SIPA1L1: variants seen among roughly 807,000 people sequenced by gnomAD.
The protein encoded by SIPA1L1 is signal induced proliferation associated 1 like 1.
SIPA1L1 carries 26 observed loss-of-function variants against 162.7 expected under a neutral mutation model. That is an observed-to-expected ratio of 0.16 (90% CI 0.12 to 0.22). The LOEUF is 0.22. SIPA1L1 is among the 10% of genes least tolerant of loss of function. The probability of loss-of-function intolerance (pLI) is 1.00; values close to 1 mark genes in which losing one functional copy is unlikely to be tolerated. For synonymous variants in SIPA1L1, 829 were observed against 837.4 expected, an observed-to-expected ratio of 0.99 and a Z score of 0.17; for missense variants, 1,874 against 2,241.0, an observed-to-expected ratio of 0.84 and a Z score of 3.31.
intron 3 of SIPA1L1, among the ~76,000 whole-genome samples, chr14:71,526,902 G>C (rs1431813325): frequency 6.6e-6 from 1 of 152,074 alleles, no homozygotes; most frequent in African/African-American, 2.4e-5. Flanking sequence ...TAGGTTGCAG[G>C]GTATGTTTAT....
At chr14:71,698,887 T>G in intron 13 of SIPA1L1, 94 bp from the exon 14 acceptor site, 1 of 1,347,434 alleles carries the variant, frequency 7.4e-7, no homozygotes, top group Non-Finnish European at 1.0e-6. Context: ...GAAGTCACTG[T>G]TTTTGTCACA....
intron 19 of SIPA1L1, 35 bp from the exon 20 acceptor site, chr14:71,730,020 A>G: frequency 6.3e-7 from 1 of 1,598,750 alleles, no homozygotes; most frequent in Non-Finnish European, 8.5e-7. Context: ...TGAACCAGAA[A>G]ATTGACTTTC....
chr14:71,399,872 C>T (rs913584157), intron 2 of SIPA1L1, among the ~76,000 whole-genome samples: 1 of 152,076 alleles, frequency 6.6e-6, no homozygotes, highest in Non-Finnish European at 1.5e-5. Flanking sequence ...AGGTGTATAC[C>T]ATGACACCTG....
At chr14:71,683,183 T>G (rs1175468334) in intron 12 of SIPA1L1, among the ~76,000 whole-genome samples, 1 of 152,064 alleles carries the variant, frequency 6.6e-6, no homozygotes, top group Non-Finnish European at 1.5e-5. Context: ...TTGTACAGTA[T>G]TAAAATAGAA....
intron 4 of SIPA1L1, among the ~76,000 whole-genome samples, chr14:71,576,263 T>A (rs187528757): frequency 6.6e-6 from 1 of 152,188 alleles, no homozygotes; most frequent in Non-Finnish European, 1.5e-5. Context: ...GGCTTAGGGA[T>A]CAGACTCTCG....
intron 4 of SIPA1L1, among the ~76,000 whole-genome samples, chr14:71,544,048 C>T (rs142226458): frequency 2.1e-4 from 31 of 151,008 alleles, no homozygotes; most frequent in African/African-American, 6.8e-4. Context: ...TACACACGCA[C>T]GCACATGTAT....
chr14:71,521,419 C>T (rs1343452168), intron 3 of SIPA1L1, among the ~76,000 whole-genome samples: 1 of 152,096 alleles, frequency 6.6e-6, no homozygotes, highest in East Asian at 1.9e-4. Flanking sequence ...TTCAGCTGCT[C>T]CATGTCCCTG....
At chr14:71,653,850 T>C (rs1469497891) in intron 8 of SIPA1L1, among the ~76,000 whole-genome samples, 1 of 152,154 alleles carries the variant, frequency 6.6e-6, no homozygotes. Flanking sequence ...CTTCTTTAGA[T>C]TAAGTAACAT....
At chr14:71,596,826 T>C (rs905690050) in intron 5 of SIPA1L1, among the ~76,000 whole-genome samples, 1 of 152,248 alleles carries the variant, frequency 6.6e-6, no homozygotes, top group East Asian at 1.9e-4. Context: ...TTTTTTTCTC[T>C]TTTGTAATTT....
intron 3 of SIPA1L1, among the ~76,000 whole-genome samples, chr14:71,521,072 T>G (rs2052304368): frequency 6.6e-6 from 1 of 152,192 alleles, no homozygotes. Flanking sequence ...CTTTCTGCTG[T>G]GGATGTGCAC....
At chr14:71,727,752 C>T (rs1206828905) in intron 19 of SIPA1L1, among the ~76,000 whole-genome samples, 2 of 152,256 alleles carry the variant, frequency 1.3e-5, no homozygotes, top group Admixed American at 6.5e-5. Context: ...ACCTGCAAGG[C>T]AGGCAGGGGC....
intron 2 of SIPA1L1, among the ~76,000 whole-genome samples, chr14:71,509,741 T>TAA (rs2050964910): frequency 8.3e-6 from 1 of 120,098 alleles, no homozygotes; most frequent in African/African-American, 3.2e-5. Flanking sequence ...TGAAACTCCA[T>TAA]CTCAAAAAAA....
intron 14 of SIPA1L1, among the ~76,000 whole-genome samples, chr14:71,700,152 A>G (rs2081974460): frequency 6.6e-6 from 1 of 151,662 alleles, no homozygotes; most frequent in Non-Finnish European, 1.5e-5. Flanking sequence ...GGATAGTTTT[A>G]CCTTATTGTT....
At position 71,689,153 on chromosome 14, in the gene SIPA1L1, G is replaced by A. The variant is rs187045003; in HGVS notation, c.3374+3522G>A. ...TATTTTTCCTTTAATATCAAGGTCAGGATTTTTATGACATAAAAATGTTGG... is the reference window on the plus strand; with the variant it reads ...TATTTTTCCTTTAATATCAAGGTCAAGATTTTTATGACATAAAAATGTTGG... On this transcript the variant is annotated intron_variant, in intron 13 of 23. Coordinates refer to ENST00000381232, the MANE Select transcript of SIPA1L1 (RefSeq NM_001386936.1). Among the ~76,000 whole-genome samples, 662 of 152,272 alleles carry A rather than the reference G, an allele frequency of 4.3e-3. 10 individuals are homozygous for A. The highest frequency in any genetic ancestry group is 5.6e-3 in the Non-Finnish European group (384 of 68,016).
intron 3 of SIPA1L1, among the ~76,000 whole-genome samples, chr14:71,526,272 G>GT (rs1201128050): frequency 6.6e-6 from 1 of 152,004 alleles, no homozygotes; most frequent in Middle Eastern, 3.2e-3. Context: ...GAACATAGTC[G>GT]TGAAACTACC....
At chr14:71,629,102 T>A (rs1311734697) in intron 7 of SIPA1L1, among the ~76,000 whole-genome samples, 1 of 151,912 alleles carries the variant, frequency 6.6e-6, no homozygotes, top group Non-Finnish European at 1.5e-5. Context: ...CACGCCCAGC[T>A]AAATTTTTGT....
Position 71,632,820 on chromosome 14 carries a change from G to C in SIPA1L1, c.1818+8584G>C, listed in dbSNP as rs188163273. Among the ~76,000 whole-genome samples, 3 of 152,274 alleles carry C rather than the reference G, an allele frequency of 2.0e-5. No individual in the cohort carries two copies. The East Asian group carries it at 5.8e-4, about 29-fold the overall frequency. The stretch of plus-strand genomic sequence containing the variant: ...CCCTTAGGTGTCATGGAGGGAACTT[G>C]ATGTTCAACCCCACCTAGCAGTGTC... On this transcript the variant is annotated intron_variant, in intron 7 of 23. Coordinates refer to ENST00000381232, the MANE Select transcript of SIPA1L1 (RefSeq NM_001386936.1).
At chr14:71,461,302 G>A (rs1446024540) in intron 2 of SIPA1L1, among the ~76,000 whole-genome samples, 1 of 152,174 alleles carries the variant, frequency 6.6e-6, no homozygotes, top group Non-Finnish European at 1.5e-5. Context: ...CTCAGAAGTG[G>A]CCGTAGCCAG....
intron 2 of SIPA1L1, among the ~76,000 whole-genome samples, chr14:71,466,760 A>T (rs1233490398): frequency 6.6e-6 from 1 of 152,188 alleles, no homozygotes; most frequent in African/African-American, 2.4e-5. Context: ...TCTGACTAAA[A>T]TGGATGTTCA....
Sources: allele counts gnomAD v4.1 joint callset (sites outside exome capture counted in the v4.1 genomes callset), GRCh38; gene constraint gnomAD v4.1.1; transcripts MANE v1.5; gene names NCBI Gene and HGNC (gene_info 2026-07-23, HGNC 2026-07-21).